Variants in ADGRL2 observed in about 807,000 individuals in gnomAD.
ADGRL2 encodes the protein calcium-independent alpha-latrotoxin receptor 2.
In ADGRL2, 44 loss-of-function variants were observed where a neutral mutation model predicts 157.4. The ratio of observed to expected loss-of-function variants is 0.28; its 90% CI spans 0.22 to 0.36. The LOEUF is 0.36. Ranked by LOEUF, ADGRL2 falls within the 10% of genes least tolerant of loss-of-function variation. The pLI is 1.00. For missense variants in ADGRL2, 1,510 were observed against 1,768.9 expected (o/e 0.85, Z 2.63); for synonymous variants, 585 against 624.7 (o/e 0.94, Z 0.95).
intron 1 of ADGRL2, chr1:81,306,527 T>A (rs1172424490): frequency 6.6e-6 from 1 of 152,182 alleles, no homozygotes; most frequent in Non-Finnish European, 1.5e-5. Context: ...GTCTGATTCT[T>A]CTAAAGACGT....
chr1:81,824,627 A>G (rs2091292130), intron 1 of ADGRL2, among the ~76,000 whole-genome samples: 1 of 152,222 alleles, frequency 6.6e-6, no homozygotes, highest in Non-Finnish European at 1.5e-5. Flanking sequence ...AGGACTCAAG[A>G]TAACCCAATA....
rs1162809748 is a variant in ADGRL2 at position 81,747,246 on chromosome 1, T to G, written c.-142-14565T>G. Among the ~76,000 whole-genome samples the G allele has an allele frequency of 2.0e-5, 3 of 148,524 alleles. No individual in the cohort carries two copies. The Admixed American group carries it at 2.0e-4, about 10-fold the overall frequency. Reference sequence around the variant, plus strand: ...ATATGTATATATACATATATATGTATATGTGTGTATATATGTATATGTGTA... The same window carrying G: ...ATATGTATATATACATATATATGTAGATGTGTGTATATATGTATATGTGTA... On this transcript the variant is annotated intron_variant, in intron 1 of 20. Coordinates refer to the ADGRL2 transcript ENST00000359929.
chr1:81,720,301 C>T (rs1009174868), intron 1 of ADGRL2, among the ~76,000 whole-genome samples: 2 of 151,494 alleles, frequency 1.3e-5, no homozygotes, highest in East Asian at 1.9e-4. Flanking sequence ...TCCAGCCTCC[C>T]GAGTAGCTGG....
At chr1:81,354,819 T>A (rs963677148) in intron 1 of ADGRL2, among the ~76,000 whole-genome samples, 8 of 152,336 alleles carry the variant, frequency 5.3e-5, no homozygotes, top group African/African-American at 1.9e-4. Context: ...CCATGCCTTT[T>A]ACCAAATAGG....
intron 2 of ADGRL2, among the ~76,000 whole-genome samples, chr1:81,483,508 C>T (rs2078435193): frequency 1.3e-5 from 2 of 152,082 alleles, no homozygotes; most frequent in South Asian, 4.1e-4. Flanking sequence ...ACTTCTATTT[C>T]AAGTAATTCA....
At chr1:81,808,165 A>T (rs2089406206) in intron 1 of ADGRL2, among the ~76,000 whole-genome samples, 1 of 152,044 alleles carries the variant, frequency 6.6e-6, no homozygotes, top group African/African-American at 2.4e-5. Context: ...TTTATGAAGT[A>T]ATATAGTTTG....
At position 81,952,971 on chromosome 1, in the gene ADGRL2, T is replaced by G. The variant is rs776472943; in HGVS notation, c.1795-16T>G. 5.0e-6 allele frequency: 8 copies of G among 1,607,292 alleles called. No individual in the cohort carries two copies. In the South Asian group the frequency reaches 8.8e-5, roughly 18 times the overall value. Reference sequence around the variant, plus strand: ...AAAAATCTAACCTCTGATTTTTCTTTTCTTTTACTTAAAAGCTCCAAAAAC... The same window carrying G: ...AAAAATCTAACCTCTGATTTTTCTTGTCTTTTACTTAAAAGCTCCAAAAAC... On this transcript the variant is annotated splice_polypyrimidine_tract_variant and intron_variant, in intron 9 of 23. Transcript: ENST00000686636.
At chr1:81,523,680 T>C (rs1343737866) in intron 2 of ADGRL2, among the ~76,000 whole-genome samples, 1 of 152,214 alleles carries the variant, frequency 6.6e-6, no homozygotes, top group Non-Finnish European at 1.5e-5. Flanking sequence ...AAAAGTTGGA[T>C]AACACCCTAT....
At chr1:81,565,735 A>G (rs1234725364) in intron 2 of ADGRL2, among the ~76,000 whole-genome samples, 1 of 152,132 alleles carries the variant, frequency 6.6e-6, no homozygotes, top group Non-Finnish European at 1.5e-5. Flanking sequence ...CCCCTGATGG[A>G]CCAGAAAAGC....
chr1:81,807,972 CA>C, intron 1 of ADGRL2, among the ~76,000 whole-genome samples: 1 of 149,736 alleles, frequency 6.7e-6, no homozygotes. Context: ...TATTTTTTTA[CA>C]AAAAACCTCC....
At chr1:81,611,862 C>T (rs2081547526) in intron 3 of ADGRL2, among the ~76,000 whole-genome samples, 2 of 152,036 alleles carry the variant, frequency 1.3e-5, no homozygotes, top group Admixed American at 1.3e-4. Flanking sequence ...GGGAGAGTTT[C>T]CCCTATGCTG....
chr1:81,795,638 T>C (rs888034171), upstream of ADGRL2, among the ~76,000 whole-genome samples: 5 of 152,308 alleles, frequency 3.3e-5, no homozygotes, highest in East Asian at 9.7e-4. Flanking sequence ...CCTTTGCAAG[T>C]TTTGCCATAC....
At chr1:81,376,587 C>A (rs1359778723) in intron 1 of ADGRL2, among the ~76,000 whole-genome samples, 1 of 151,378 alleles carries the variant, frequency 6.6e-6, no homozygotes, top group African/African-American at 2.4e-5. Flanking sequence ...TTCCTTCCTT[C>A]TTTCCTTGCT....
At chr1:81,459,942 G>C (rs1364138493) in intron 2 of ADGRL2, among the ~76,000 whole-genome samples, 1 of 151,886 alleles carries the variant, frequency 6.6e-6, no homozygotes, top group Admixed American at 6.6e-5. Context: ...TATAGCAGCT[G>C]CACAATTTTG....
intron 2 of ADGRL2, among the ~76,000 whole-genome samples, chr1:81,880,288 G>C (rs1473344958): frequency 2.0e-5 from 3 of 152,048 alleles, no homozygotes; most frequent in African/African-American, 7.2e-5. Context: ...GACACTTTCT[G>C]TCTTTTTAAG....
At chr1:81,363,621 G>C (rs190970736) in intron 1 of ADGRL2, among the ~76,000 whole-genome samples, 1 of 151,998 alleles carries the variant, frequency 6.6e-6, no homozygotes, top group African/African-American at 2.4e-5. Context: ...TCAAATAAAT[G>C]ACAAGTGTCC....
chr1:81,669,681 A>T (rs573257923), intron 3 of ADGRL2, among the ~76,000 whole-genome samples: 1 of 152,068 alleles, frequency 6.6e-6, no homozygotes. Flanking sequence ...GGTGGTGCAC[A>T]CCTGTAATCC....
chr1:81,952,047 G>T lies in ADGRL2; in HGVS notation c.1699G>T (p.Val567Leu). The T allele has an allele frequency of 1.2e-6, 2 of 1,613,812 alleles. No individual in the cohort carries two copies. Among genetic ancestry groups the T allele is most frequent in the Non-Finnish European group, 1.7e-6 (2 of 1,179,742 alleles). ...GTTTGCTGGGGATGTAAGTTCTTCAGTGAGATTGATGGAGCAGTTGGTGGA... is the reference window on the plus strand; with the variant it reads ...GTTTGCTGGGGATGTAAGTTCTTCATTGAGATTGATGGAGCAGTTGGTGGA... ...PVFAGDVSSSVRLMEQLVDIL... is the reference protein window; with the variant it reads ...PVFAGDVSSSLRLMEQLVDIL... Residue 567 changes from valine (V) to leucine (L), a missense_variant, in exon 9 of 24, where the codon GTG becomes TTG. Physicochemically the swap from Val to Leu is conservative, Grantham distance 32. Around this residue, in one of 4 missense-constraint regions of ADGRL2, gnomAD observed 325 missense variants for 333.2 expected, o/e 0.98. Transcript: ENST00000686636.
chr1:81,784,828 A>G (rs781101023), intron 2 of ADGRL2, among the ~76,000 whole-genome samples: 13 of 152,160 alleles, frequency 8.5e-5, no homozygotes, highest in Non-Finnish European at 1.6e-4. Context: ...GGGTCCAAAA[A>G]TAGTAAAAAT....
Sources: allele counts gnomAD v4.1 joint callset (sites outside exome capture counted in the v4.1 genomes callset), GRCh38; gene constraint gnomAD v4.1.1; regional missense constraint gnomAD v4.1.1; transcripts MANE v1.5; gene names NCBI Gene and HGNC (gene_info 2026-07-23, HGNC 2026-07-21).